The following IQSEC2 variants were observed in gnomAD, a reference collection of about 807,000 sequenced individuals.
IQSEC2 encodes IQ motif and Sec7 domain ArfGEF 2.
In IQSEC2, 6 loss-of-function variants were observed where a neutral mutation model predicts 74.6. The ratio of observed to expected loss-of-function variants is 0.08; its 90% confidence interval spans 0.04 to 0.16. The LOEUF (loss-of-function observed/expected upper bound fraction) is 0.16. Among genes scored for constraint, IQSEC2 ranks in the 10% least tolerant of loss-of-function variants. The pLI is 1.00. For missense variants in IQSEC2, 734 were observed against 1,306.2 expected, an observed-to-expected ratio of 0.56 and a Z score of 6.75; for synonymous variants, 494 against 544.5, an observed-to-expected ratio of 0.91 and a Z score of 1.29.
intron 1 of IQSEC2, among the ~76,000 whole-genome samples, chrX:53,303,151 C>T (rs781960851): frequency 2.8e-5 from 3 of 106,519 alleles, no homozygotes; most frequent in Non-Finnish European, 5.8e-5. Context: ...TGCAGTGAGC[C>T]GTGATCACAC....
Position 53,248,071 on chromosome X carries a change from C to A in IQSEC2, c.2582+43G>T, listed in dbSNP as rs1556862401. On this transcript the variant is annotated intron_variant, in intron 7 of 14. Transcript: ENST00000642864. ...TATAAACACATACTACGTCGATGCC[C>A]ACAGGAGGGAGGGGCAGCTTCGCGA... The A allele has an allele frequency of 2.5e-6, 3 of 1,206,992 alleles. No homozygotes were observed. In the Admixed American group the frequency reaches 6.5e-5, roughly 26 times the overall value.
chrX:53,293,100 G>A (rs2075117617), intron 1 of IQSEC2, among the ~76,000 whole-genome samples: 1 of 112,257 alleles, frequency 8.9e-6, no homozygotes, highest in African/African-American at 3.2e-5. Context: ...TACACACAGG[G>A]AGAGGAGCAG....
intron 2 of IQSEC2, among the ~76,000 whole-genome samples, chrX:53,264,895 C>T (rs1299437663): frequency 5.8e-5 from 6 of 104,262 alleles, no homozygotes; most frequent in Non-Finnish European, 9.9e-5. Flanking sequence ...AGATGGAGAG[C>T]TCGCAGAGGA....
At position 53,238,180 on chromosome X, in the gene IQSEC2, G is replaced by T; in HGVS notation, c.3242C>A (p.Ala1081Glu). Residue 1081 changes from alanine to glutamate, a missense_variant, in exon 12 of 15, where the codon GCG becomes GAG. By Grantham distance (107) the Ala-to-Glu change is moderately radical. Transcript: ENST00000642864. ...RFTSDLRESI[A>E]EVQEMEKYRV... is the part of the protein sequence containing the mutation. Reference sequence around the variant, plus strand: ...GTATTTCTCCATCTCCTGCACCTCCGCAATGGACTCGCGCAGGTCGGATGT... The same window carrying T: ...GTATTTCTCCATCTCCTGCACCTCCTCAATGGACTCGCGCAGGTCGGATGT... 8.3e-7 allele frequency: 1 copy of T among 1,207,019 alleles called. No homozygotes were observed. The highest frequency in any genetic ancestry group is 3.0e-5 in the East Asian group (1 of 33,758).
chrX:53,244,793 A>G (rs782703179), intron 8 of IQSEC2, among the ~76,000 whole-genome samples: 10 of 111,846 alleles, frequency 8.9e-5, no homozygotes, highest in Admixed American at 4.8e-4. Context: ...GCACCAAAAC[A>G]TTAACTATGA....
At chrX:53,267,000 G>A (rs1556867835) in intron 2 of IQSEC2, 2 of 1,155,046 alleles carry the variant, frequency 1.7e-6, no homozygotes, top group Admixed American at 5.2e-5. Context: ...TCGGAGGCCG[G>A]ACAGCAGAAC....
At chrX:53,298,162 A>G (rs1329187158) in intron 1 of IQSEC2, among the ~76,000 whole-genome samples, 1 of 111,473 alleles carries the variant, frequency 9.0e-6, no homozygotes, top group African/African-American at 3.3e-5. Flanking sequence ...TCTCTTTTCC[A>G]TCATCTAGGA....
intron 9 of IQSEC2, among the ~76,000 whole-genome samples, chrX:53,242,433 CAAAAAAAAAAAA>C (rs138931001): frequency 5.6e-5 from 2 of 35,993 alleles, no homozygotes; most frequent in South Asian, 2.6e-3. Context: ...AACTCCATGT[CAAAAAAAAAAAA>C]AAAAAAAAAA....
chrX:53,310,858 C>A (rs1457793800), intron 1 of IQSEC2, among the ~76,000 whole-genome samples: 1 of 109,844 alleles, frequency 9.1e-6, no homozygotes, highest in African/African-American at 3.3e-5. Context: ...CAGTGGCTCA[C>A]ACCTGTAATC....
Position 53,247,150 on chromosome X carries a change from G to A in IQSEC2, c.2583-15C>T, listed in dbSNP as rs1333197168. 8.3e-7 allele frequency: 1 copy of A among 1,204,045 alleles called. No homozygotes were observed. The highest frequency in any genetic ancestry group is 1.1e-6 in the Non-Finnish European group (1 of 892,114). ...AGTACCGCTGGCTGCAGGGCAGGAG[G>A]GGTCAAAGCCAGACTCAGGAACCAG... On this transcript the variant is annotated splice_polypyrimidine_tract_variant and intron_variant, in intron 7 of 14. Coordinates refer to ENST00000642864, the MANE Select transcript of IQSEC2 (RefSeq NM_001111125.3).
At chrX:53,277,014 G>A (rs1352240498) in intron 2 of IQSEC2, among the ~76,000 whole-genome samples, 2 of 110,760 alleles carry the variant, frequency 1.8e-5, no homozygotes, top group African/African-American at 6.6e-5. Context: ...TTAATATGTG[G>A]CATTAGGCTA....
intron 1 of IQSEC2, among the ~76,000 whole-genome samples, chrX:53,314,109 G>A (rs1556878555): frequency 8.9e-6 from 1 of 111,806 alleles, no homozygotes. Context: ...CTCCCGCCTT[G>A]ACCTCCCAAA....
intron 2 of IQSEC2, among the ~76,000 whole-genome samples, chrX:53,267,992 C>T (rs188150873): frequency 1.1e-3 from 122 of 111,981 alleles, no homozygotes; most frequent in African/African-American, 3.2e-3. Flanking sequence ...GGAGAAGAGT[C>T]GCTGCAGGAA....
intron 12 of IQSEC2, 114 bp from the exon 13 acceptor site, chrX:53,236,609 T>A (rs1405912853): frequency 2.3e-6 from 2 of 869,076 alleles, no homozygotes; most frequent in African/African-American, 4.0e-5. Context: ...CCTCCCTCCC[T>A]CTGTCCCCAG....
chrX:53,239,188 G>C lies in IQSEC2; in HGVS notation c.3115+7C>G. 1 of 1,168,638 alleles carries C rather than the reference G, an allele frequency of 8.6e-7. No homozygotes were observed. Among genetic ancestry groups the C allele is most frequent in the Non-Finnish European group, 1.2e-6 (1 of 856,449 alleles). On this transcript the variant is annotated splice_region_variant and intron_variant, in intron 11 of 14. Transcript: ENST00000642864. ...TCTCAGGAGCTGGGATCCAAGAAGGGACTCACATGAATTCTGGAAGAGCTG... is the reference window on the plus strand; with the variant it reads ...TCTCAGGAGCTGGGATCCAAGAAGGCACTCACATGAATTCTGGAAGAGCTG...
intron 2 of IQSEC2, chrX:53,266,646 G>A: frequency 1.2e-6 from 1 of 850,095 alleles, no homozygotes; most frequent in South Asian, 4.1e-5. Flanking sequence ...AGGCTCCAGG[G>A]TGCCTGGGAA....
intron 1 of IQSEC2, among the ~76,000 whole-genome samples, chrX:53,316,816 A>AACCAAAC (rs1397272417): frequency 9.3e-6 from 1 of 107,682 alleles, no homozygotes; most frequent in Non-Finnish European, 1.9e-5. Flanking sequence ...CCCTGTCCCA[A>AACCAAAC]AAACAAACCA....
intron 2 of IQSEC2, among the ~76,000 whole-genome samples, chrX:53,282,674 G>A (rs965505943): frequency 3.6e-5 from 4 of 112,158 alleles, no homozygotes; most frequent in African/African-American, 9.7e-5. Context: ...GAGGCCCTCC[G>A]GAACACCACA....
At chrX:53,312,003 C>T (rs782794179) in intron 1 of IQSEC2, among the ~76,000 whole-genome samples, 3 of 111,461 alleles carry the variant, frequency 2.7e-5, no homozygotes, top group African/African-American at 3.3e-5. Flanking sequence ...AGATGTGAGC[C>T]GGCCAACCCT....
Sources: allele counts gnomAD v4.1 joint callset (sites outside exome capture counted in the v4.1 genomes callset), GRCh38; gene constraint gnomAD v4.1.1; transcripts MANE v1.5; gene names NCBI Gene and HGNC (gene_info 2026-07-23, HGNC 2026-07-21).